The following PCNX1 variants were observed in gnomAD, a reference collection of about 807,000 sequenced individuals.
PCNX1 encodes the protein pecanex 1, also known as pecanex-like protein 1.
Under a neutral mutation model 242.2 loss-of-function variants are expected in PCNX1, and 78 were observed. The observed-to-expected ratio is 0.32, with a 90% CI of 0.27 to 0.39. PCNX1 has a LOEUF of 0.39. Among genes scored for constraint, PCNX1 ranks in the 10% least tolerant of loss-of-function variants. PCNX1 has a pLI of 1.00. For synonymous variants in PCNX1, 1,024 were observed against 1,032.9 expected (o/e 0.99, Z 0.17); for missense variants, 2,581 against 2,856.5 (o/e 0.90, Z 2.20).
At chr14:71,062,928 A>G (rs2061362154) in intron 26 of PCNX1, among the ~76,000 whole-genome samples, 3 of 152,300 alleles carry the variant, frequency 2.0e-5, no homozygotes, top group African/African-American at 7.2e-5. Flanking sequence ...CTACCATTGT[A>G]TTACCGTTAG....
chr14:71,073,336 C>A (rs2061633234), intron 26 of PCNX1, among the ~76,000 whole-genome samples: 1 of 152,194 alleles, frequency 6.6e-6, no homozygotes, highest in South Asian at 2.1e-4. Context: ...AATGCTAATG[C>A]ACATTGTGTT....
chr14:70,958,766 A>T (rs1171043479), intron 2 of PCNX1, among the ~76,000 whole-genome samples: 1 of 152,114 alleles, frequency 6.6e-6, no homozygotes, highest in African/African-American at 2.4e-5. Context: ...GCTAATCTCA[A>T]TGACCAGAAC....
At position 70,962,333 on chromosome 14, in the gene PCNX1, T is replaced by C; in HGVS notation, c.468+2T>C. On this transcript the variant is annotated splice_donor_variant, in intron 3 of 35. Transcript: ENST00000304743. LOFTEE classifies it high-confidence loss of function. ...GCCGGTCTAGATCCAAGCAACCAGG[T>C]AGGAACCTGCGCTGTTTTATTTTGC... The C allele has an allele frequency of 3.8e-6, 6 of 1,575,556 alleles. No homozygotes were observed. The highest frequency in any genetic ancestry group is 5.2e-6 in the Non-Finnish European group (6 of 1,144,864).
At chr14:70,937,368 C>T (rs1469647613) in intron 1 of PCNX1, among the ~76,000 whole-genome samples, 1 of 152,186 alleles carries the variant, frequency 6.6e-6, no homozygotes, top group Non-Finnish European at 1.5e-5. Context: ...CCAGTTTTCC[C>T]AGCACCATTT....
chr14:71,037,185 T>G (rs200869744), intron 19 of PCNX1, among the ~76,000 whole-genome samples: 1 of 150,056 alleles, frequency 6.7e-6, no homozygotes, highest in African/African-American at 2.5e-5. Flanking sequence ...AAGGAGATTT[T>G]GGGCTGAGAC....
At chr14:71,011,746 G>C (rs1323576560) in intron 10 of PCNX1, 197 bp downstream of exon 10, 4 of 550,202 alleles carry the variant, frequency 7.3e-6, no homozygotes, top group Non-Finnish European at 1.3e-5. Context: ...AAAGTACAAG[G>C]TTAAGAAACC....
At chr14:70,945,175 T>G (rs2057408496) in intron 1 of PCNX1, among the ~76,000 whole-genome samples, 1 of 152,086 alleles carries the variant, frequency 6.6e-6, no homozygotes, top group African/African-American at 2.4e-5. Flanking sequence ...CAGGCACCAG[T>G]CAAGCTAATA....
intron 30 of PCNX1, among the ~76,000 whole-genome samples, chr14:71,098,628 T>G (rs901980225): frequency 7.9e-5 from 12 of 151,910 alleles, no homozygotes; most frequent in Admixed American, 5.9e-4. Flanking sequence ...TATTGGTTAA[T>G]AGAAATGCTA....
Position 71,034,799 on chromosome 14 carries a change from T to C in PCNX1, c.3774+763T>C, listed in dbSNP as rs182357751. On this transcript the variant is annotated intron_variant, in intron 18 of 35. Coordinates refer to ENST00000304743, the MANE Select transcript of PCNX1 (RefSeq NM_014982.3). The stretch of plus-strand genomic sequence containing the variant: ...ACAAAACTATATCAAGATATTAGAA[T>C]GACTTTTTTCTAACTTTAGTTTCCA... Among the ~76,000 whole-genome samples, 184 of 152,354 alleles carry C rather than the reference T, an allele frequency of 1.2e-3. 1 individual carries two copies. The highest frequency in any genetic ancestry group is 3.4e-3 in the Middle Eastern group (1 of 294).
chr14:71,027,578 A>G (rs2060272017), intron 15 of PCNX1, among the ~76,000 whole-genome samples: 1 of 151,936 alleles, frequency 6.6e-6, no homozygotes, highest in African/African-American at 2.4e-5. Context: ...TGAAAGGGAA[A>G]GAAATTACTG....
rs2062765111 is a variant in PCNX1, at chr14:71,112,175, A to G, written c.*2240A>G. The G allele has an allele frequency of 6.6e-6, 1 of 152,436 alleles. No homozygotes were observed. The highest frequency in any genetic ancestry group is 2.4e-5 in the African/African-American group (1 of 41,444). The allele number at this position is 152,436 out of a possible 1,614,324, so 9.4% of individuals were successfully genotyped here. A position where few individuals can be genotyped will look rare whatever the true frequency, so the allele number is the denominator to read the frequency against. ...ATAATTCATTTTCCCACACAGAAAA[A>G]AAATCTGACCTTTACATGATTTAAT... On this transcript the variant is annotated 3_prime_UTR_variant, in exon 36 of 36. Coordinates refer to ENST00000304743, the MANE Select transcript of PCNX1 (RefSeq NM_014982.3).
intron 1 of PCNX1, among the ~76,000 whole-genome samples, chr14:70,946,712 C>T (rs1939940406): frequency 6.6e-6 from 1 of 152,138 alleles, no homozygotes; most frequent in African/African-American, 2.4e-5. Flanking sequence ...TTCAAACTAG[C>T]CATATTTCAG....
At chr14:71,062,866 A>G (rs780742993) in intron 26 of PCNX1, among the ~76,000 whole-genome samples, 28 of 152,140 alleles carry the variant, frequency 1.8e-4, no homozygotes, top group East Asian at 3.8e-4. Flanking sequence ...TCTTTTTGCC[A>G]TATTTTTACT....
chr14:71,108,371 T>C (rs991735894), intron 33 of PCNX1, among the ~76,000 whole-genome samples: 16 of 152,236 alleles, frequency 1.1e-4, no homozygotes, highest in Non-Finnish European at 1.9e-4. Flanking sequence ...TGCCACAGAA[T>C]TTGAACTTTA....
intron 26 of PCNX1, among the ~76,000 whole-genome samples, chr14:71,065,965 T>C (rs900938264): frequency 3.7e-5 from 3 of 80,828 alleles, no homozygotes; most frequent in African/African-American, 1.6e-4. Flanking sequence ...TCTGTTCCAT[T>C]GATCTATATA....
At chr14:71,054,628 T>C (rs1391507933) in intron 24 of PCNX1, among the ~76,000 whole-genome samples, 1 of 152,172 alleles carries the variant, frequency 6.6e-6, no homozygotes. Flanking sequence ...TCCATCAGTG[T>C]TAAGTAAAAA....
At chr14:71,051,048 A>G (rs2061013838) in intron 23 of PCNX1, among the ~76,000 whole-genome samples, 1 of 151,880 alleles carries the variant, frequency 6.6e-6, no homozygotes, top group Non-Finnish European at 1.5e-5. Flanking sequence ...CATGCCTGTA[A>G]TCCCAGCTAC....
intron 1 of PCNX1, among the ~76,000 whole-genome samples, chr14:70,944,723 G>A (rs972509394): frequency 7.9e-5 from 12 of 152,174 alleles, no homozygotes; most frequent in African/African-American, 2.9e-4. Flanking sequence ...ACCTTGAATT[G>A]TGATAATCCC....
At chr14:71,003,758 T>C (rs1304105043) in intron 8 of PCNX1, among the ~76,000 whole-genome samples, 2 of 152,234 alleles carry the variant, frequency 1.3e-5, no homozygotes, top group African/African-American at 4.8e-5. Flanking sequence ...CAGTAAAATA[T>C]ATCAGTATGT....
Sources: allele counts gnomAD v4.1 joint callset (sites outside exome capture counted in the v4.1 genomes callset), GRCh38; gene constraint gnomAD v4.1.1; transcripts MANE v1.5; gene names NCBI Gene and HGNC (gene_info 2026-07-23, HGNC 2026-07-21).